SYTL3: variants seen among roughly 807,000 people sequenced by gnomAD.
SYTL3 encodes synaptotagmin like 3.
In SYTL3, 88 loss-of-function variants were observed where a neutral mutation model predicts 82.1. The ratio of observed to expected loss-of-function variants is 1.07; its 90% CI spans 0.90 to 1.28. SYTL3 has a LOEUF of 1.28. SYTL3 is among the 50% of genes most tolerant of loss of function. The pLI, the probability that SYTL3 is intolerant of heterozygous loss-of-function variation, is 0.00. For synonymous variants in SYTL3, 311 were observed against 289.4 expected (o/e 1.07, Z -0.76); for missense variants, 831 against 757.6 (o/e 1.10, Z -1.14).
chr6:158,733,632 T>C (rs1785719229), intron 11 of SYTL3, among the ~76,000 whole-genome samples: 1 of 151,734 alleles, frequency 6.6e-6, no homozygotes, highest in Admixed American at 6.6e-5. Context: ...CGGCCACCTC[T>C]ACCTATTTTA....
intron 11 of SYTL3, among the ~76,000 whole-genome samples, chr6:158,743,741 C>T (rs1348563538): frequency 4.0e-5 from 6 of 150,570 alleles, no homozygotes; most frequent in Non-Finnish European, 8.9e-5. Flanking sequence ...CCACTGTGCC[C>T]GGCCTGTGCC....
intron 5 of SYTL3, among the ~76,000 whole-genome samples, chr6:158,678,359 A>T (rs932201158): frequency 1.3e-5 from 2 of 152,178 alleles, no homozygotes; most frequent in Non-Finnish European, 2.9e-5. Context: ...TACGTTAAGC[A>T]ACTCTAGGGA....
chr6:158,686,187 G>C (rs1474488664), intron 6 of SYTL3, among the ~76,000 whole-genome samples: 1 of 152,218 alleles, frequency 6.6e-6, no homozygotes, highest in Non-Finnish European at 1.5e-5. Context: ...AATTAGGAAA[G>C]AGGTGAGACT....
Position 158,725,327 on chromosome 6 carries a change from G to A in SYTL3, c.721-176G>A, listed in dbSNP as rs569892016. 5.6e-5 allele frequency among the ~76,000 whole-genome samples: 8 copies of A among 143,666 alleles called. No individual in the cohort carries two copies. The East Asian group carries it at 5.9e-4, about 11-fold the overall frequency. The allele number at this position is 143,666 out of a possible 152,430, so 94.3% of individuals were successfully genotyped here. ...ATGCGCGTGTGTGGTGTGTGTGTGC[G>A]TGTGTGTGTGTGTGTGCGCACGTGC... On this transcript the variant is annotated intron_variant, in intron 10 of 17. Transcript: ENST00000611299.
intron 6 of SYTL3, among the ~76,000 whole-genome samples, chr6:158,696,362 A>AT (rs57832098): frequency 0.043 from 6,076 of 140,038 alleles, 193 homozygotes; most frequent in African/African-American, 0.096. Flanking sequence ...ACCACGCCTA[A>AT]TTTTTTTTTT....
chr6:158,675,027 TC>T (rs1053858810), intron 5 of SYTL3, among the ~76,000 whole-genome samples: 1 of 152,062 alleles, frequency 6.6e-6, no homozygotes, highest in East Asian at 1.9e-4. Context: ...TGAAACTGGA[TC>T]CCTTCCTTAC....
At chr6:158,751,905 TC>T in intron 12 of SYTL3, 22 bp from the exon 13 acceptor site, 1 of 1,571,374 alleles carries the variant, frequency 6.4e-7, no homozygotes, top group Admixed American at 1.8e-5. Context: ...TCTCACTCTG[TC>T]CCCGCTGTGT....
intron 11 of SYTL3, among the ~76,000 whole-genome samples, chr6:158,733,875 A>G (rs1223796571): frequency 2.0e-5 from 3 of 150,940 alleles, no homozygotes; most frequent in Non-Finnish European, 4.4e-5. Flanking sequence ...AGGAGGGCGG[A>G]TCACGAGGTC....
chr6:158,701,701 T>C (rs1781326063), intron 6 of SYTL3, among the ~76,000 whole-genome samples: 2 of 151,732 alleles, frequency 1.3e-5, no homozygotes. Flanking sequence ...GGCCTCTGGA[T>C]TTGCCTCCTG....
intron 10 of SYTL3, among the ~76,000 whole-genome samples, chr6:158,725,240 C>T (rs952960573): frequency 5.9e-5 from 9 of 152,136 alleles, no homozygotes; most frequent in African/African-American, 2.2e-4. Flanking sequence ...GTAATCTACC[C>T]ATGACTGTTC....
chr6:158,759,539 G>T (rs1408412197), intron 14 of SYTL3, among the ~76,000 whole-genome samples: 1 of 152,122 alleles, frequency 6.6e-6, no homozygotes, highest in Non-Finnish European at 1.5e-5. Flanking sequence ...TTTGGTTGTT[G>T]TTGTTTATTT....
intron 11 of SYTL3, among the ~76,000 whole-genome samples, chr6:158,732,315 A>G (rs747583476): frequency 5.9e-5 from 9 of 152,250 alleles, no homozygotes; most frequent in African/African-American, 2.2e-4. Context: ...TGAAGTCTCT[A>G]TAGTAAAGGT....
chr6:158,720,247 C>G (rs1783927745), intron 10 of SYTL3, among the ~76,000 whole-genome samples: 1 of 151,918 alleles, frequency 6.6e-6, no homozygotes, highest in South Asian at 2.1e-4. Flanking sequence ...ACTAAAAATA[C>G]ACAAATTAGC....
intron 2 of SYTL3, among the ~76,000 whole-genome samples, chr6:158,660,565 A>G (rs1015374664): frequency 6.6e-6 from 1 of 152,166 alleles, no homozygotes; most frequent in African/African-American, 2.4e-5. Flanking sequence ...CCTAATAGCC[A>G]CCTGTATGAG....
intron 11 of SYTL3, among the ~76,000 whole-genome samples, chr6:158,740,760 C>T (rs1786824720): frequency 2.0e-5 from 3 of 152,138 alleles, no homozygotes; most frequent in Admixed American, 2.0e-4. Flanking sequence ...CTAGAAAAGT[C>T]CTTGTGGTTG....
rs140812964 is a variant in SYTL3 at position 158,665,739 on chromosome 6, G to A, written c.329+126G>A. 4.5e-4 allele frequency: 285 copies of A among 635,258 alleles called. 2 individuals are homozygous for A. In the African/African-American group the frequency reaches 4.5e-3, roughly 10 times the overall value. The allele number at this position is 635,258 out of a possible 1,614,324, so 39.4% of individuals were successfully genotyped here. A position where few individuals can be genotyped will look rare whatever the true frequency, so the allele number is the denominator to read the frequency against. ...GCCAGTAAATGTGTACCGAGTGCCT[G>A]ATAGGGAGCTACCTTTCTAGCCTTG... On this transcript the variant is annotated intron_variant, in intron 5 of 17. Coordinates refer to ENST00000611299, the MANE Select transcript of SYTL3 (RefSeq NM_001242394.2).
chr6:158,696,933 T>G (rs1583272468), intron 6 of SYTL3, among the ~76,000 whole-genome samples: 1 of 151,874 alleles, frequency 6.6e-6, no homozygotes, highest in East Asian at 1.9e-4. Context: ...AAAGGATAGT[T>G]TTTTCAACAA....
At chr6:158,757,464 A>C in intron 14 of SYTL3, 83 bp downstream of exon 14, 1 of 1,453,062 alleles carries the variant, frequency 6.9e-7, no homozygotes. Context: ...AGAAGAGAAA[A>C]CGTACCTGGC....
intron 6 of SYTL3, among the ~76,000 whole-genome samples, chr6:158,697,782 C>T (rs1000011392): frequency 9.9e-5 from 15 of 152,276 alleles, no homozygotes; most frequent in Admixed American, 2.0e-4. Flanking sequence ...GAACCAGTCA[C>T]CCTCGGCCTT....
Sources: gnomAD v4.1 joint callset for allele counts (sites outside exome capture counted in the v4.1 genomes callset) on GRCh38, gnomAD v4.1.1 for gene constraint, MANE v1.5 for transcripts, NCBI Gene and HGNC (gene_info 2026-07-23, HGNC 2026-07-21) for gene names.